GALNTL6: variants seen among roughly 807,000 people sequenced by gnomAD.
GALNTL6 encodes polypeptide N-acetylgalactosaminyltransferase like 6, also known as polypeptide N-acetylgalactosaminyltransferase-like 6.
GALNTL6 carries 46 observed loss-of-function variants against 73.7 expected under a neutral mutation model. The ratio of observed to expected loss-of-function variants is 0.62; its 90% CI spans 0.49 to 0.80. The LOEUF is 0.80. Among genes scored for constraint, GALNTL6 ranks in the 30% least tolerant of loss-of-function variants. The pLI is 0.00. For missense variants in GALNTL6, 604 were observed against 755.0 expected (o/e 0.80, Z 2.34); for synonymous variants, 259 against 263.7 (o/e 0.98, Z 0.17).
At chr4:172,723,853 T>G (rs1735638727) in intron 5 of GALNTL6, among the ~76,000 whole-genome samples, 1 of 152,152 alleles carries the variant, frequency 6.6e-6, no homozygotes, top group African/African-American at 2.4e-5. Flanking sequence ...CTAACAAATT[T>G]TCTTCCAGAA....
chr4:172,344,726 C>T (rs554375129), intron 4 of GALNTL6, among the ~76,000 whole-genome samples: 13 of 152,314 alleles, frequency 8.5e-5, no homozygotes, highest in African/African-American at 3.1e-4. Flanking sequence ...TTCTATCAGA[C>T]AAAGTTAGTC....
At chr4:172,183,718 A>G (rs554402152) in intron 2 of GALNTL6, among the ~76,000 whole-genome samples, 1 of 151,472 alleles carries the variant, frequency 6.6e-6, no homozygotes, top group African/African-American at 2.4e-5. Context: ...TTGAGAGAAA[A>G]TTTTCCATGA....
intron 2 of GALNTL6, among the ~76,000 whole-genome samples, chr4:172,024,836 C>T (rs556223641): frequency 6.6e-6 from 1 of 151,226 alleles, no homozygotes; most frequent in Non-Finnish European, 1.5e-5. Context: ...CCCACCCTCC[C>T]TTCTTTCGCT....
At chr4:172,450,098 T>C (rs1410478254) in intron 5 of GALNTL6, among the ~76,000 whole-genome samples, 1 of 151,610 alleles carries the variant, frequency 6.6e-6, no homozygotes, top group East Asian at 2.0e-4. Flanking sequence ...ACACCTGTAA[T>C]CCCAGCTACT....
chr4:172,669,786 A>G (rs901134005), intron 5 of GALNTL6, among the ~76,000 whole-genome samples: 2 of 151,934 alleles, frequency 1.3e-5, no homozygotes, highest in Non-Finnish European at 2.9e-5. Context: ...CCTAGAACCC[A>G]TTAGTTATTT....
At chr4:172,407,987 T>C (rs1400065275) in intron 5 of GALNTL6, among the ~76,000 whole-genome samples, 2 of 152,092 alleles carry the variant, frequency 1.3e-5, no homozygotes, top group African/African-American at 4.8e-5. Flanking sequence ...AAAGGATTAT[T>C]GAAACGGTGG....
At chr4:171,905,622 T>A (rs1397294270) in intron 2 of GALNTL6, among the ~76,000 whole-genome samples, 1 of 149,982 alleles carries the variant, frequency 6.7e-6, no homozygotes, top group Non-Finnish European at 1.5e-5. Context: ...GGAATTGAAC[T>A]CAGCTCTGCA....
rs567709665 is a variant in GALNTL6 at position 172,457,036 on chromosome 4, G to A, written c.553+108347G>A. Reference sequence around the variant, plus strand: ...AAACCCTACAAGCCAGAAGAGAGTGGGGGCCAATATTCAACATTCTTAAAG... The same window carrying A: ...AAACCCTACAAGCCAGAAGAGAGTGAGGGCCAATATTCAACATTCTTAAAG... On this transcript the variant is annotated intron_variant, in intron 5 of 12. Coordinates refer to ENST00000506823, the MANE Select transcript of GALNTL6 (RefSeq NM_001034845.3). Among the ~76,000 whole-genome samples, 8 of 152,122 alleles carry A rather than the reference G, an allele frequency of 5.3e-5. No individual in the cohort carries two copies. The East Asian group carries it at 1.4e-3, about 26-fold the overall frequency.
At chr4:171,827,019 G>C (rs1005262726) in intron 2 of GALNTL6, among the ~76,000 whole-genome samples, 1 of 152,092 alleles carries the variant, frequency 6.6e-6, no homozygotes, top group Non-Finnish European at 1.5e-5. Flanking sequence ...ATTAAGTATA[G>C]AGTTTATTCA....
At chr4:171,821,452 A>T (rs1165149216) in intron 2 of GALNTL6, among the ~76,000 whole-genome samples, 1 of 152,100 alleles carries the variant, frequency 6.6e-6, no homozygotes, top group East Asian at 1.9e-4. Flanking sequence ...GTCAGAGTGT[A>T]GTCTCTAGAA....
At position 172,875,732 on chromosome 4, in the gene GALNTL6, A is replaced by AACACACACAC. The variant is rs59079970; in HGVS notation, c.924-7030_924-7021dup. On this transcript the variant is annotated intron_variant, in intron 7 of 12. Transcript: ENST00000506823. ...TAGATCCTCCCTTTGCTCATACATA[A>AACACACACAC]ACACACACACACACACACACACACA... is the stretch of plus-strand genomic sequence containing the variant. Among the ~76,000 whole-genome samples the AACACACACAC allele has an allele frequency of 3.8e-3, 548 of 145,804 alleles. 4 individuals carry two copies. The highest frequency in any genetic ancestry group is 0.02 in the East Asian group (99 of 4,892).
rs1553964724 is a variant in GALNTL6, at chr4:172,609,824, G to GA, written c.554-199536dup. On this transcript the variant is annotated intron_variant, in intron 5 of 12. Coordinates refer to ENST00000506823, the MANE Select transcript of GALNTL6 (RefSeq NM_001034845.3). ...TTGTCTATGAATCCGTCTGGTCCTG[G>GA]ATTTTTTTTTTGGTTGTAGAATATT... 1.9e-3 allele frequency among the ~76,000 whole-genome samples: 290 copies of GA among 149,736 alleles called. 2 individuals carry two copies. The highest frequency in any genetic ancestry group is 6.9e-3 in the African/African-American group (275 of 39,698).
chr4:172,940,371 T>G (rs1488540417), intron 9 of GALNTL6, among the ~76,000 whole-genome samples: 5 of 147,520 alleles, frequency 3.4e-5, no homozygotes, highest in Non-Finnish European at 7.4e-5. Context: ...GTAATTTTCT[T>G]TTTTTTTTTG....
At chr4:172,029,868 A>G (rs574938317) in intron 2 of GALNTL6, among the ~76,000 whole-genome samples, 1 of 152,240 alleles carries the variant, frequency 6.6e-6, no homozygotes, top group South Asian at 2.1e-4. Context: ...GTGATGCTCT[A>G]GAAGACCAAG....
At chr4:172,919,397 G>A (rs961075191) in intron 8 of GALNTL6, among the ~76,000 whole-genome samples, 9 of 152,016 alleles carry the variant, frequency 5.9e-5, no homozygotes, top group African/African-American at 2.2e-4. Context: ...GAAAGCTCTC[G>A]GGCTTTCATT....
Position 172,356,852 on chromosome 4 carries a change from AT to A in GALNTL6, c.553+8164del, listed in dbSNP as rs1276540897. The stretch of plus-strand genomic sequence containing the variant: ...AAATGTACAGTTTTCACAGTTAGGT[AT>A]CCAAGGTTCCTTTCTTTGTAGTTTT... On this transcript the variant is annotated intron_variant, in intron 5 of 12. Coordinates refer to ENST00000506823, the MANE Select transcript of GALNTL6 (RefSeq NM_001034845.3). 2.0e-5 allele frequency among the ~76,000 whole-genome samples: 3 copies of A among 152,306 alleles called. No homozygotes were observed. The East Asian group carries it at 5.8e-4, about 29-fold the overall frequency.
At chr4:172,125,208 C>T (rs919061396) in intron 2 of GALNTL6, among the ~76,000 whole-genome samples, 2 of 152,016 alleles carry the variant, frequency 1.3e-5, no homozygotes, top group Middle Eastern at 3.2e-3. Flanking sequence ...ACTTGAGAAG[C>T]TTCAAGAGGA....
chr4:172,793,701 A>T (rs1306105510), intron 5 of GALNTL6, among the ~76,000 whole-genome samples: 1 of 152,210 alleles, frequency 6.6e-6, no homozygotes, highest in Admixed American at 6.5e-5. Context: ...ATTACTTGTC[A>T]TGCCAGTGAC....
intron 2 of GALNTL6, among the ~76,000 whole-genome samples, chr4:172,178,657 T>C (rs1735129299): frequency 1.3e-5 from 2 of 150,432 alleles, no homozygotes; most frequent in Admixed American, 6.6e-5. Context: ...ATTTTCTTTT[T>C]TTTTTTTTTT....
Sources: gnomAD v4.1 joint callset for allele counts (sites outside exome capture counted in the v4.1 genomes callset) on GRCh38, gnomAD v4.1.1 for gene constraint, MANE v1.5 for transcripts, NCBI Gene and HGNC (gene_info 2026-07-23, HGNC 2026-07-21) for gene names.